The following PTMA variants were observed in gnomAD, a reference collection of about 807,000 sequenced individuals.
PTMA encodes prothymosin alpha, also known as gene sequence 28.
In PTMA, 4 loss-of-function variants were observed where a neutral mutation model predicts 16.9. That is an observed-to-expected ratio of 0.24 (90% CI 0.12 to 0.54). PTMA has a LOEUF of 0.54. Among genes scored for constraint, PTMA ranks in the 20% least tolerant of loss-of-function variants. The pLI is 0.95. For missense variants in PTMA, 120 were observed against 137.7 expected (o/e 0.87, Z 0.64); for synonymous variants, 58 against 47.9 (o/e 1.21, Z -0.87).
chr2:231,711,331 C>G lies in PTMA; in HGVS notation c.46-17C>G. ...CAGAAGACTTACTGGTTACTGGTTC[C>G]TTCTTCCCTTTTGAAGGACTTAAAG... On this transcript the variant is annotated splice_polypyrimidine_tract_variant and intron_variant, in intron 1 of 4. Transcript: ENST00000409115. The G allele has an allele frequency of 6.2e-7, 1 of 1,611,586 alleles. No individual in the cohort carries two copies. The highest frequency in any genetic ancestry group is 8.5e-7 in the Non-Finnish European group (1 of 1,177,738).
Position 231,709,978 on chromosome 2 carries a change from G to T in PTMA, c.45+1227G>T, listed in dbSNP as rs573191079. On this transcript the variant is annotated intron_variant, in intron 1 of 4. Transcript: ENST00000409115. Reference sequence around the variant, plus strand: ...CAGGGGCTCTCAGTGACCCCTTCTGGACTCAGTCCGGGAATGAGTTTGTGG... The same window carrying T: ...CAGGGGCTCTCAGTGACCCCTTCTGTACTCAGTCCGGGAATGAGTTTGTGG... 4.1e-5 allele frequency: 39 copies of T among 961,112 alleles called. No individual in the cohort carries two copies. In the African/African-American group the frequency reaches 5.3e-4, roughly 13 times the overall value. The allele number at this position is 961,112 out of a possible 1,614,324, so 59.5% of individuals were successfully genotyped here.
chr2:231,710,301 G>C (rs777458693), intron 1 of PTMA: 1 of 1,260,526 alleles, frequency 7.9e-7, no homozygotes, highest in Non-Finnish European at 1.0e-6. Flanking sequence ...GAGTCTCCAA[G>C]GCAAGGGACG....
chr2:231,711,937 A>G lies in PTMA; in HGVS notation c.165A>G (p.Glu55=), dbSNP rs372841592. 50 of 1,601,716 alleles carry G rather than the reference A, an allele frequency of 3.1e-5. No individual in the cohort carries two copies. Among genetic ancestry groups the G allele is most frequent in the Non-Finnish European group, 4.2e-5 (49 of 1,173,784 alleles). Residue 55 remains glutamate, a synonymous_variant, in exon 3 of 5, where the codon GAA becomes GAG. Transcript: ENST00000409115. ...EQEADNEVDE[E]EEEGGEEEEE... ...AGGCTGACAATGAGGTAGACGAAGA[A>G]GAGGAAGAAGGTGGGGAGGAAGAGG...
chr2:231,710,188 T>G, intron 1 of PTMA: 2 of 1,307,646 alleles, frequency 1.5e-6, no homozygotes, highest in Non-Finnish European at 2.0e-6. Flanking sequence ...AATGCAGACA[T>G]TCGGGCCTGC....
intron 1 of PTMA, chr2:231,710,982 C>A: frequency 4.3e-6 from 1 of 232,748 alleles, no homozygotes; most frequent in South Asian, 5.2e-5. Flanking sequence ...GGGCTCTTTG[C>A]ACTTGGAAGC....
chr2:231,712,324 C>A, intron 3 of PTMA, 119 bp from the exon 4 acceptor site: 2 of 1,102,734 alleles, frequency 1.8e-6, no homozygotes, highest in Non-Finnish European at 2.7e-6. Context: ...TGATTGGGCC[C>A]AGTTGCAGGC....
At chr2:231,709,415 A>T (rs1047395015) in intron 1 of PTMA, among the ~76,000 whole-genome samples, 1 of 152,088 alleles carries the variant, frequency 6.6e-6, no homozygotes, top group African/African-American at 2.4e-5. Context: ...GTGCGCCGGG[A>T]GCGGCCGCCC....
At chr2:231,711,067 CT>C in intron 1 of PTMA, 9 of 326,742 alleles carry the variant, frequency 2.8e-5, no homozygotes, top group East Asian at 1.3e-4. Context: ...CACATGGCTC[CT>C]TTTTCCTGGG....
chr2:231,710,252 C>T (rs897010083), intron 1 of PTMA: 34 of 1,337,892 alleles, frequency 2.5e-5, no homozygotes, highest in Non-Finnish European at 3.1e-5. Flanking sequence ...CGACGCGCGA[C>T]CCGCGCGCGT....
chr2:231,710,449 A>AG, intron 1 of PTMA: 3 of 1,112,192 alleles, frequency 2.7e-6, no homozygotes, highest in East Asian at 6.0e-5. Context: ...TTCGGCCGCC[A>AG]GGGGGCGAGA....
chr2:231,709,369 G>A (rs1575349279), intron 1 of PTMA, among the ~76,000 whole-genome samples: 2 of 152,148 alleles, frequency 1.3e-5, no homozygotes, highest in East Asian at 1.9e-4. Flanking sequence ...CGCTTTGGGC[G>A]CTCTGGGAGG....
At chr2:231,710,641 T>A (rs772243077) in intron 1 of PTMA, 2 of 452,068 alleles carry the variant, frequency 4.4e-6, no homozygotes, top group South Asian at 3.2e-5. Flanking sequence ...GGGGCCGCGC[T>A]GCCTTTTGGA....
intron 1 of PTMA, among the ~76,000 whole-genome samples, chr2:231,709,334 C>T (rs1263175758): frequency 6.6e-6 from 1 of 152,038 alleles, no homozygotes; most frequent in African/African-American, 2.4e-5. Context: ...GTCGGCCGTC[C>T]CGGCGGAGGT....
At chr2:231,711,686 G>C in intron 2 of PTMA, 2 of 987,612 alleles carry the variant, frequency 2.0e-6, no homozygotes, top group East Asian at 5.3e-5. Flanking sequence ...GTGGGGAAAA[G>C]CCCTTGTCCT....
At chr2:231,710,343 C>A (rs2048501027) in intron 1 of PTMA, 1 of 1,217,652 alleles carries the variant, frequency 8.2e-7, no homozygotes. Context: ...GTGCTCCCTG[C>A]GCGCGGTGCG....
intron 1 of PTMA, chr2:231,709,941 C>A: frequency 1.6e-6 from 1 of 634,796 alleles, no homozygotes; most frequent in Non-Finnish European, 2.2e-6. Flanking sequence ...GAGCTCGGGG[C>A]CCGGATCTCC....
chr2:231,710,630 C>CG (rs1192172609), intron 1 of PTMA: 6 of 461,208 alleles, frequency 1.3e-5, no homozygotes, highest in African/African-American at 4.2e-5. Context: ...ACCGGGCGCC[C>CG]GGGGCCGCGC....
intron 1 of PTMA, among the ~76,000 whole-genome samples, chr2:231,708,994 G>A (rs2048478475): frequency 6.6e-6 from 1 of 152,194 alleles, no homozygotes; most frequent in Admixed American, 6.5e-5. Flanking sequence ...GGGGCCGAGG[G>A]CTAGGCGCGG....
At chr2:231,711,659 T>A in intron 2 of PTMA, 3 of 809,386 alleles carry the variant, frequency 3.7e-6, no homozygotes, top group Non-Finnish European at 3.8e-6. Flanking sequence ...GTAGTCTGAG[T>A]TTGGGCTTGG....
Sources: gnomAD v4.1 joint callset for allele counts (sites outside exome capture counted in the v4.1 genomes callset) on GRCh38, gnomAD v4.1.1 for gene constraint, MANE v1.5 for transcripts, NCBI Gene and HGNC (gene_info 2026-07-23, HGNC 2026-07-21) for gene names.